The following SHMT1 variants were observed in gnomAD, a reference collection of about 807,000 sequenced individuals.
The protein encoded by SHMT1 is serine hydroxymethyltransferase 1.
In SHMT1, 45 loss-of-function variants were observed where a neutral mutation model predicts 49.0. The ratio of observed to expected loss-of-function variants is 0.92; its 90% CI spans 0.72 to 1.18. SHMT1 has a LOEUF of 1.18. Ranked by LOEUF, SHMT1 falls within the 50% of genes most tolerant of loss-of-function variation. The pLI is 0.00. For missense variants in SHMT1, 541 were observed against 612.4 expected (o/e 0.88, Z 1.23); for synonymous variants, 232 against 246.6 (o/e 0.94, Z 0.55).
At chr17:18,350,318 G>A (rs1410398615) in intron 3 of SHMT1, among the ~76,000 whole-genome samples, 2 of 151,928 alleles carry the variant, frequency 1.3e-5, no homozygotes, top group Non-Finnish European at 2.9e-5. Flanking sequence ...GCGACAGAGT[G>A]AGACTCCGTC....
chr17:18,352,677 G>A lies in SHMT1; in HGVS notation c.242+995C>T, dbSNP rs144103654. Among the ~76,000 whole-genome samples, 480 of 152,094 alleles carry A rather than the reference G, an allele frequency of 3.2e-3. 5 individuals are homozygous for A. The highest frequency in any genetic ancestry group is 3.6e-3 in the Non-Finnish European group (242 of 68,010). ...ACTCTGTCTCTACAAAAAATTAGCTGGGTGTGGTGGTGTGTGCCTGTAGTC... is the reference window on the plus strand; with the variant it reads ...ACTCTGTCTCTACAAAAAATTAGCTAGGTGTGGTGGTGTGTGCCTGTAGTC... On this transcript the variant is annotated intron_variant, in intron 3 of 11. Transcript: ENST00000316694.
At chr17:18,341,629 C>T (rs1984523106) in intron 5 of SHMT1, 1 of 107,840 alleles carries the variant, frequency 9.3e-6, no homozygotes, top group Non-Finnish European at 1.7e-5. Context: ...GCCTGGGCAA[C>T]AGAGCGAGAC....
intron 10 of SHMT1, among the ~76,000 whole-genome samples, chr17:18,329,692 G>A (rs557350709): frequency 6.6e-6 from 1 of 152,264 alleles, no homozygotes; most frequent in African/African-American, 2.4e-5. Flanking sequence ...ACAACCCACA[G>A]AGAAATGCAG....
rs1443856059 is a variant in SHMT1, at chr17:18,328,911, G to A, written c.1291C>T (p.Leu431=). ...GTGTCGCTCTGGATCTGCAGGGTCA[G>A]CTCTATCCCTGTGCCACAAGACACA... ...VAHFIHRGIE[L]TLQIQSDTGV... is the part of the protein sequence containing the mutation. The change falls in exon 12 of 12, where the codon CTG becomes TTG. Residue 431 remains leucine (L), a synonymous_variant. Transcript: ENST00000316694. The A allele has an allele frequency of 6.2e-7, 1 of 1,613,814 alleles. No homozygotes were observed. The highest frequency in any genetic ancestry group is 1.1e-5 in the South Asian group (1 of 91,060).
intron 8 of SHMT1, among the ~76,000 whole-genome samples, chr17:18,334,103 T>G (rs1983536408): frequency 6.6e-6 from 1 of 152,064 alleles, no homozygotes; most frequent in African/African-American, 2.4e-5. Flanking sequence ...CACATCCAGC[T>G]AATTTTTGTA....
chr17:18,355,163 A>T (rs1986114110), intron 2 of SHMT1, among the ~76,000 whole-genome samples: 2 of 147,818 alleles, frequency 1.4e-5, no homozygotes, highest in African/African-American at 2.5e-5. Flanking sequence ...AGGTCAGGAG[A>T]TCGAGACCAT....
rs576029767 is a variant in SHMT1 at position 18,329,908 on chromosome 17, C to T, written c.1172-520G>A. Among the ~76,000 whole-genome samples, 5 of 152,322 alleles carry T rather than the reference C, an allele frequency of 3.3e-5. No homozygotes were observed. In the East Asian group the frequency reaches 5.8e-4, roughly 18 times the overall value. On this transcript the variant is annotated intron_variant, in intron 10 of 11. Coordinates refer to ENST00000316694, the MANE Select transcript of SHMT1 (RefSeq NM_004169.5). ...AGACGGAGTCTCACTGTCGCCTAAG[C>T]TGGAGTGCAGTGGCGCAGTCTCGGC...
At chr17:18,334,523 G>A (rs1302143888) in intron 8 of SHMT1, among the ~76,000 whole-genome samples, 1 of 152,186 alleles carries the variant, frequency 6.6e-6, no homozygotes, top group Non-Finnish European at 1.5e-5. Context: ...GTGTGAAAAC[G>A]ATTACTTAGC....
At chr17:18,342,289 C>T (rs7216214) in intron 5 of SHMT1, among the ~76,000 whole-genome samples, 1 of 151,926 alleles carries the variant, frequency 6.6e-6, no homozygotes, top group Non-Finnish European at 1.5e-5. Flanking sequence ...AAGTGAAATA[C>T]GCCAGGCTCA....
chr17:18,348,389 C>T lies in SHMT1; in HGVS notation c.294G>A (p.Lys98=). ...FIDELETLCQ[K]RALQAYKLDP... is the part of the protein sequence containing the mutation. ...CCAGCTTATAGGCCTGCAGGGCTCG[C>T]TTCTGACAGAGGGTCTCCAGTTCAT... Residue 98 remains lysine (K), a synonymous_variant, in exon 4 of 12, where the codon AAG becomes AAA. Coordinates refer to ENST00000316694, the MANE Select transcript of SHMT1 (RefSeq NM_004169.5). 1 of 1,614,086 alleles carries T rather than the reference C, an allele frequency of 6.2e-7. No homozygotes were observed. Among genetic ancestry groups the T allele is most frequent in the Non-Finnish European group, 8.5e-7 (1 of 1,179,960 alleles).
At position 18,340,310 on chromosome 17, in the gene SHMT1, T is replaced by C. The variant is rs1464416156; in HGVS notation, c.602-55A>G. 4 of 1,580,290 alleles carry C rather than the reference T, an allele frequency of 2.5e-6. No homozygotes were observed. Among genetic ancestry groups the C allele is most frequent in the Non-Finnish European group, 3.5e-6 (4 of 1,151,938 alleles). ...CAGAGATGTCCACCGGCCAGCTGAG[T>C]TGGCTTCACAGTGGCCTCTAGATGT... On this transcript the variant is annotated intron_variant, in intron 6 of 11. Transcript: ENST00000316694. This position sits in a 1 kb window ranked among gnomAD's most constrained non-coding sequence, Gnocchi z 4.5.
At chr17:18,353,960 T>TGA (rs1438159991) in intron 2 of SHMT1, 143 bp from the exon 3 acceptor site, 13 of 796,116 alleles carry the variant, frequency 1.6e-5, no homozygotes, top group Non-Finnish European at 2.1e-5. Context: ...TTTTAGTATC[T>TGA]GAGAAAGCAC....
chr17:18,333,136 A>G (rs1329207315), intron 9 of SHMT1, 30 bp downstream of exon 9: 2 of 1,613,132 alleles, frequency 1.2e-6, no homozygotes, highest in Non-Finnish European at 1.7e-6. Flanking sequence ...CCACAAGAAC[A>G]GGCCTGCTGA....
intron 1 of SHMT1, among the ~76,000 whole-genome samples, chr17:18,359,669 C>A (rs988969425): frequency 6.7e-6 from 1 of 149,588 alleles, no homozygotes; most frequent in African/African-American, 2.5e-5. Flanking sequence ...AAAAAAAGGC[C>A]AGGTGCAGTG....
chr17:18,328,858 G>A lies in SHMT1; in HGVS notation c.1344C>T (p.Phe448=). 1 of 1,613,870 alleles carries A rather than the reference G, an allele frequency of 6.2e-7. No homozygotes were observed. ...ACTTATCCCCTGCCAGTCTCTCCTT[G>A]AACTCTTTCAGGGTGGCTCTGACAC... ...DTGVRATLKE[F]KERLAGDKYQ... is the part of the protein sequence containing the mutation. Residue 448 remains phenylalanine (F), a synonymous_variant, in exon 12 of 12, where the codon TTC becomes TTT. Transcript: ENST00000316694.
At chr17:18,329,459 G>C in intron 10 of SHMT1, 71 bp from the exon 11 acceptor site, 1 of 1,236,396 alleles carries the variant, frequency 8.1e-7, no homozygotes, top group Non-Finnish European at 1.2e-6. Flanking sequence ...TTTAAAAAGG[G>C]ACATGTGGGC....
chr17:18,343,273 GCA>G (rs1411050017), intron 5 of SHMT1, among the ~76,000 whole-genome samples: 23 of 151,264 alleles, frequency 1.5e-4, no homozygotes, highest in Non-Finnish European at 1.0e-4. Context: ...TTCTTTTCTG[GCA>G]ACACATCTCT....
intron 5 of SHMT1, among the ~76,000 whole-genome samples, chr17:18,343,215 T>C (rs1291570328): frequency 1.3e-5 from 2 of 152,014 alleles, no homozygotes; most frequent in Non-Finnish European, 2.9e-5. Context: ...AAAAAAAAAG[T>C]CAATTCCAAA....
In SHMT1 at chr17:18,340,060, A is replaced by G. The variant is rs1984317883; in HGVS notation, c.797T>C (p.Met266Thr). The change falls in exon 7 of 12, where the codon ATG (methionine) becomes ACG (threonine). Residue 266 changes from methionine to threonine, a missense_variant. By Grantham distance (81) the Met-to-Thr change is moderately conservative. Transcript: ENST00000316694. The surrounding 1 kb of genome is among the most constrained non-coding windows in gnomAD (Gnocchi z 4.5). The part of the protein sequence containing the change: ...HKTLRGCRAG[M>T]IFYRKGVKSV... ...GAGCTCACCTTTCCTGTAGAAGATCATGCCAGCTCGGCAGCCTCGCAGGGT... is the reference window on the plus strand; with the variant it reads ...GAGCTCACCTTTCCTGTAGAAGATCGTGCCAGCTCGGCAGCCTCGCAGGGT... 1.2e-6 allele frequency: 2 copies of G among 1,613,674 alleles called. No homozygotes were observed. Among genetic ancestry groups the G allele is most frequent in the South Asian group, 2.2e-5 (2 of 91,090 alleles).
Sources: allele counts gnomAD v4.1 joint callset (sites outside exome capture counted in the v4.1 genomes callset), GRCh38; gene constraint gnomAD v4.1.1; non-coding constraint Gnocchi (gnomAD v3.1); transcripts MANE v1.5; gene names NCBI Gene and HGNC (gene_info 2026-07-23, HGNC 2026-07-21).